The following MITF variants were observed in gnomAD, a reference collection of about 807,000 sequenced individuals.
MITF encodes the protein melanocyte inducing transcription factor.
In MITF, 17 loss-of-function variants were observed where a neutral mutation model predicts 60.5. The ratio of observed to expected loss-of-function variants is 0.28; its 90% confidence interval spans 0.19 to 0.42. MITF has a LOEUF of 0.42. MITF is among the 10% of genes least tolerant of loss of function. The pLI is 1.00. For missense variants in MITF, 622 were observed against 683.5 expected (o/e 0.91, Z 1.00); for synonymous variants, 260 against 248.5 (o/e 1.05, Z -0.43).
chr3:69,931,433 G>A (rs1390006626), intron 2 of MITF, among the ~76,000 whole-genome samples: 1 of 152,066 alleles, frequency 6.6e-6, no homozygotes, highest in African/African-American at 2.4e-5. Flanking sequence ...ACTAAATATT[G>A]TTTGTCCTAA....
At chr3:69,789,811 G>A (rs9877286) in intron 1 of MITF, among the ~76,000 whole-genome samples, 3,330 of 152,160 alleles carry the variant, frequency 0.022, 120 homozygotes, top group African/African-American at 0.075. Flanking sequence ...AATGGAGATC[G>A]CACCACTGCA....
At chr3:69,882,456 TA>T (rs2064511240) in intron 2 of MITF, among the ~76,000 whole-genome samples, 1 of 152,170 alleles carries the variant, frequency 6.6e-6, no homozygotes, top group Admixed American at 6.6e-5. Context: ...TTGGGTATTG[TA>T]ATTTAAGGAT....
chr3:69,833,267 A>G (rs2063481694), intron 1 of MITF, among the ~76,000 whole-genome samples: 2 of 152,088 alleles, frequency 1.3e-5, no homozygotes, highest in South Asian at 4.2e-4. Context: ...TTTACATTAT[A>G]TATGATTGTT....
At chr3:69,901,516 T>A (rs960695851) in intron 2 of MITF, among the ~76,000 whole-genome samples, 2 of 152,058 alleles carry the variant, frequency 1.3e-5, no homozygotes, top group African/African-American at 4.8e-5. Flanking sequence ...CACACTTCAA[T>A]TTTCTTTAAG....
intron 2 of MITF, 86 bp downstream of exon 2, chr3:69,879,469 T>C: frequency 6.3e-7 from 1 of 1,589,534 alleles, no homozygotes; most frequent in Non-Finnish European, 8.6e-7. Context: ...AATATGTATT[T>C]TGTTAGACTG....
intron 1 of MITF, among the ~76,000 whole-genome samples, chr3:69,851,351 A>G (rs1032421076): frequency 6.6e-6 from 1 of 152,210 alleles, no homozygotes; most frequent in East Asian, 1.9e-4. Context: ...TTTTTGGTAT[A>G]TCTTAAAAAT....
intron 2 of MITF, among the ~76,000 whole-genome samples, chr3:69,893,504 A>G (rs2064804270): frequency 6.6e-6 from 1 of 152,120 alleles, no homozygotes; most frequent in Admixed American, 6.6e-5. Context: ...TGATGCTTGC[A>G]AAGCACTTAG....
chr3:69,838,748 A>G (rs1438163914), intron 1 of MITF: 1 of 152,674 alleles, frequency 6.5e-6, no homozygotes, highest in African/African-American at 2.4e-5. Flanking sequence ...TTCTGTAAGA[A>G]AGACATTGGT....
intron 1 of MITF, among the ~76,000 whole-genome samples, chr3:69,789,822 C>T (rs1031454751): frequency 6.6e-6 from 1 of 152,172 alleles, no homozygotes. Flanking sequence ...CACCACTGCA[C>T]TGCAGCCTGG....
intron 2 of MITF, among the ~76,000 whole-genome samples, chr3:69,916,826 C>T (rs1323731055): frequency 3.3e-5 from 5 of 152,194 alleles, no homozygotes; most frequent in East Asian, 3.9e-4. Flanking sequence ...GAGTCAGTTA[C>T]GGTATTTACA....
chr3:69,915,840 C>T (rs1413885204), intron 2 of MITF, among the ~76,000 whole-genome samples: 1 of 152,124 alleles, frequency 6.6e-6, no homozygotes, highest in African/African-American at 2.4e-5. Flanking sequence ...GTCCCTGTTC[C>T]TTTTCCTTAT....
rs202216450 is a variant in MITF at position 69,919,872 on chromosome 3, C to A, written c.355-17950C>A. On this transcript the variant is annotated intron_variant, in intron 2 of 9. Transcript: ENST00000352241. ...TTGTTGCTGCTGCTGTTGTTGTTTTCAGACAGTGTGGGCAGCAAGCCACCC... is the reference window on the plus strand; with the variant it reads ...TTGTTGCTGCTGCTGTTGTTGTTTTAAGACAGTGTGGGCAGCAAGCCACCC... Among the ~76,000 whole-genome samples, 18 of 151,676 alleles carry A rather than the reference C, an allele frequency of 1.2e-4. No individual in the cohort carries two copies. In the East Asian group the frequency reaches 3.3e-3, roughly 28 times the overall value.
intron 2 of MITF, among the ~76,000 whole-genome samples, chr3:69,927,290 G>A (rs1362385677): frequency 1.3e-5 from 2 of 152,056 alleles, no homozygotes; most frequent in South Asian, 2.1e-4. Flanking sequence ...AACACCACAT[G>A]TTCTCATTCA....
At position 69,936,773 on chromosome 3, in the gene MITF, T is replaced by C. The variant is rs372701105; in HGVS notation, c.355-1049T>C. Reference sequence around the variant, plus strand: ...ACTATCAGGTGAGATTTATTCTGACTCATATTCAGTCTTTGAAATATAATG... The same window carrying C: ...ACTATCAGGTGAGATTTATTCTGACCCATATTCAGTCTTTGAAATATAATG... On this transcript the variant is annotated intron_variant, in intron 2 of 9. Coordinates refer to ENST00000352241, the MANE Select transcript of MITF (RefSeq NM_001354604.2). 3 of 1,607,484 alleles carry C rather than the reference T, an allele frequency of 1.9e-6. No homozygotes were observed. In the African/African-American group the frequency reaches 4.0e-5, roughly 21 times the overall value.
intron 1 of MITF, among the ~76,000 whole-genome samples, chr3:69,846,589 T>C (rs989904773): frequency 6.6e-6 from 1 of 152,000 alleles, no homozygotes; most frequent in African/African-American, 2.4e-5. Flanking sequence ...CCAAGGCAGG[T>C]AGATCACCTG....
intron 1 of MITF, among the ~76,000 whole-genome samples, chr3:69,765,706 G>A (rs1266962510): frequency 2.6e-5 from 4 of 152,134 alleles, no homozygotes; most frequent in Non-Finnish European, 5.9e-5. Flanking sequence ...GTTAAGGTTT[G>A]GATTAGGAAT....
intron 1 of MITF, among the ~76,000 whole-genome samples, chr3:69,845,928 T>G (rs1468844489): frequency 6.6e-6 from 1 of 152,214 alleles, no homozygotes; most frequent in African/African-American, 2.4e-5. Context: ...ACTAGGTTAA[T>G]TCATTCACCA....
intron 1 of MITF, among the ~76,000 whole-genome samples, chr3:69,876,556 G>A (rs1182019259): frequency 6.6e-6 from 1 of 152,082 alleles, no homozygotes. Context: ...TGTATCAAGT[G>A]AATAGATTAT....
chr3:69,744,377 C>T (rs932114408), intron 1 of MITF, among the ~76,000 whole-genome samples: 10 of 151,150 alleles, frequency 6.6e-5, no homozygotes, highest in African/African-American at 2.4e-4. Flanking sequence ...TCTGAGGGAA[C>T]CACTAGCATA....
Sources: gnomAD v4.1 joint callset for allele counts (sites outside exome capture counted in the v4.1 genomes callset) on GRCh38, gnomAD v4.1.1 for gene constraint, MANE v1.5 for transcripts, NCBI Gene and HGNC (gene_info 2026-07-23, HGNC 2026-07-21) for gene names.